The following TLN2 variants were observed in gnomAD, a reference collection of about 807,000 sequenced individuals.
The protein encoded by TLN2 is talin-2.
Under a neutral mutation model 294.7 loss-of-function variants are expected in TLN2, and 118 were observed. That is an observed-to-expected ratio of 0.40 (90% confidence interval 0.34 to 0.47). TLN2 has a LOEUF of 0.47. TLN2 is among the 20% of genes least tolerant of loss of function. The probability of loss-of-function intolerance (pLI) is 0.84; values close to 1 mark genes in which losing one functional copy is unlikely to be tolerated. For synonymous variants in TLN2, 1,431 were observed against 1,304.5 expected (o/e 1.10, Z -2.09); for missense variants, 3,083 against 3,282.2 (o/e 0.94, Z 1.48).
intron 1 of TLN2, among the ~76,000 whole-genome samples, chr15:62,545,941 C>T (rs1482590326): frequency 6.6e-6 from 1 of 152,154 alleles, no homozygotes; most frequent in East Asian, 1.9e-4. Flanking sequence ...TCTCAGCATT[C>T]CAGGTCTTTG....
rs1342921904 is a variant in TLN2 at position 62,842,890 on chromosome 15, TCATC to T, written c.*2283_*2286del. On this transcript the variant is annotated 3_prime_UTR_variant, in exon 59 of 59. Coordinates refer to ENST00000636159, the MANE Select transcript of TLN2 (RefSeq NM_015059.3). ...TCCCAGTTTCTCATCTGTCCTTTCC[TCATC>T]CACCCTGCACATGTGTATGTGAACG... 3.3e-5 allele frequency: 5 copies of T among 152,216 alleles called. No homozygotes were observed. Among genetic ancestry groups the T allele is most frequent in the African/African-American group, 1.2e-4 (5 of 41,440 alleles). 9.4% of individuals were successfully genotyped at this position (152,216 alleles called of 1,614,324 possible).
rs1372917330 is a variant in TLN2 at position 62,568,986 on chromosome 15, G to T, written c.-237-20701G>T. Among the ~76,000 whole-genome samples, 5 of 152,186 alleles carry T rather than the reference G, an allele frequency of 3.3e-5. No homozygotes were observed. In the East Asian group the frequency reaches 9.6e-4, roughly 29 times the overall value. The stretch of plus-strand genomic sequence containing the variant: ...GAAGCCAGAAGTCCCAAATCAGGGT[G>T]TCTGTCGGGCCATGCTCCCTCCAAA... On this transcript the variant is annotated intron_variant, in intron 1 of 58. Coordinates refer to ENST00000636159, the MANE Select transcript of TLN2 (RefSeq NM_015059.3).
intron 1 of TLN2, among the ~76,000 whole-genome samples, chr15:62,589,287 A>G (rs980187923): frequency 1.3e-5 from 2 of 152,228 alleles, no homozygotes; most frequent in African/African-American, 4.8e-5. Context: ...GGAGCTAAAT[A>G]GGAAAAAAAG....
rs539209082 is a variant in TLN2, at chr15:62,702,089, C to G, written c.1794C>G (p.Ala598=). The change falls in exon 18 of 59, where the codon GCC becomes GCG. Residue 598 remains alanine, a synonymous_variant. Transcript: ENST00000636159. ...TEMSKGVKLL[A]ALMDDEVGSG... The stretch of plus-strand genomic sequence containing the variant: ...TGTCCAAGGGTGTGAAGCTATTGGC[C>G]GCCCTCATGGATGATGAGGTGGGCA... The G allele has an allele frequency of 6.2e-7, 1 of 1,614,202 alleles. No homozygotes were observed. Among genetic ancestry groups the G allele is most frequent in the South Asian group, 1.1e-5 (1 of 91,072 alleles).
intron 3 of TLN2, among the ~76,000 whole-genome samples, chr15:62,619,284 G>A (rs1284812702): frequency 6.6e-6 from 1 of 152,220 alleles, no homozygotes; most frequent in Non-Finnish European, 1.5e-5. Flanking sequence ...GAAGAGTGAG[G>A]CGCTGGAGAA....
rs1177184960 is a variant in TLN2, at chr15:62,672,164, A to G, written c.789-1663A>G. Among the ~76,000 whole-genome samples the G allele has an allele frequency of 2.0e-5, 3 of 152,150 alleles. No homozygotes were observed. The South Asian group carries it at 6.2e-4, about 32-fold the overall frequency. ...TTATTTCAGTAAGAGTTGTATAATGATGATTTTGGACTTCTTTTATTTTTT... is the reference window on the plus strand; with the variant it reads ...TTATTTCAGTAAGAGTTGTATAATGGTGATTTTGGACTTCTTTTATTTTTT... On this transcript the variant is annotated intron_variant, in intron 9 of 58. Coordinates refer to ENST00000636159, the MANE Select transcript of TLN2 (RefSeq NM_015059.3).
intron 15 of TLN2, 109 bp downstream of exon 15, chr15:62,697,977 G>T (rs544382037): frequency 7.4e-7 from 1 of 1,352,096 alleles, no homozygotes; most frequent in African/African-American, 1.5e-5. Flanking sequence ...TCTATTTCCC[G>T]GCTGAACCAT....
chr15:62,478,862 T>G (rs2037928912), intron 1 of TLN2, among the ~76,000 whole-genome samples: 1 of 152,240 alleles, frequency 6.6e-6, no homozygotes, highest in African/African-American at 2.4e-5. Context: ...TGGCTTCATG[T>G]ATATGCTTAG....
At chr15:62,494,438 G>T (rs1381782938) in intron 1 of TLN2, among the ~76,000 whole-genome samples, 1 of 152,046 alleles carries the variant, frequency 6.6e-6, no homozygotes, top group African/African-American at 2.4e-5. Context: ...GGAAAGGGCT[G>T]TGTGACCCTA....
rs2052663352 is a variant in TLN2, at chr15:62,652,154, C to T, written c.364+20C>T. On this transcript the variant is annotated intron_variant, in intron 6 of 58. Coordinates refer to ENST00000636159, the MANE Select transcript of TLN2 (RefSeq NM_015059.3). ...GAATAGGTGAGCATTCATACACCTT[C>T]ATTATGTCTTTTTGCTTAGTTTTTA... The T allele has an allele frequency of 6.7e-7, 1 of 1,498,158 alleles. No individual in the cohort carries two copies. Among genetic ancestry groups the T allele is most frequent in the Non-Finnish European group, 8.9e-7 (1 of 1,119,230 alleles). 92.8% of individuals were successfully genotyped at this position (1,498,158 alleles called of 1,614,324 possible). A position where few individuals can be genotyped will look rare whatever the true frequency, so the allele number is the denominator to read the frequency against.
intron 26 of TLN2, among the ~76,000 whole-genome samples, chr15:62,724,142 T>C (rs1051417818): frequency 6.6e-6 from 1 of 152,116 alleles, no homozygotes; most frequent in East Asian, 1.9e-4. Context: ...AGTGAGACTC[T>C]GTCTCCCAAA....
intron 54 of TLN2, among the ~76,000 whole-genome samples, chr15:62,820,850 G>A (rs1057185345): frequency 3.3e-5 from 5 of 152,138 alleles, no homozygotes; most frequent in Admixed American, 3.3e-4. Flanking sequence ...GGAAGAATTG[G>A]GGCATTTGCA....
At chr15:62,639,885 A>G (rs1347734194) in intron 3 of TLN2, among the ~76,000 whole-genome samples, 1 of 152,210 alleles carries the variant, frequency 6.6e-6, no homozygotes, top group African/African-American at 2.4e-5. Context: ...ATGAGATCAA[A>G]TGGGATGCCC....
At chr15:62,583,217 C>T (rs1193460709) in intron 1 of TLN2, among the ~76,000 whole-genome samples, 2 of 152,108 alleles carry the variant, frequency 1.3e-5, no homozygotes, top group African/African-American at 2.4e-5. Context: ...TATTCCATGG[C>T]CAGTTGCTTT....
intron 7 of TLN2, 28 bp downstream of exon 7, chr15:62,653,342 C>T (rs746884174): frequency 1.0e-5 from 16 of 1,594,426 alleles, no homozygotes; most frequent in Non-Finnish European, 1.4e-5. Context: ...AAGCATGATA[C>T]AGACACACAG....
chr15:62,783,492 G>A (rs2064362420), intron 44 of TLN2, among the ~76,000 whole-genome samples: 1 of 152,236 alleles, frequency 6.6e-6, no homozygotes, highest in Non-Finnish European at 1.5e-5. Context: ...TGCACAGCCC[G>A]AACGCTGAGC....
chr15:62,555,005 A>AC (rs1555428595), intron 1 of TLN2, among the ~76,000 whole-genome samples: 1 of 150,446 alleles, frequency 6.6e-6, no homozygotes, highest in Non-Finnish European at 1.5e-5. Flanking sequence ...AAAAAAAAAA[A>AC]CACCCTTCTC....
intron 42 of TLN2, among the ~76,000 whole-genome samples, chr15:62,775,388 G>C (rs963545890): frequency 1.3e-5 from 2 of 152,144 alleles, no homozygotes; most frequent in Non-Finnish European, 2.9e-5. Context: ...AAAGCAATCT[G>C]CACATTTTGT....
chr15:62,582,246 A>ACACACACACACACACACACACACCC (rs764248336), intron 1 of TLN2, among the ~76,000 whole-genome samples: 1 of 137,238 alleles, frequency 7.3e-6, no homozygotes, highest in Non-Finnish European at 1.6e-5. Context: ...ACACACACAC[A>ACACACACACACACACACACACACCC]CATTCATGCC....
Sources: gnomAD v4.1 joint callset for allele counts (sites outside exome capture counted in the v4.1 genomes callset) on GRCh38, gnomAD v4.1.1 for gene constraint, MANE v1.5 for transcripts, NCBI Gene and HGNC (gene_info 2026-07-23, HGNC 2026-07-21) for gene names.